DAPP1: variants seen among roughly 807,000 people sequenced by gnomAD.
DAPP1 encodes the protein dual adaptor of phosphotyrosine and 3-phosphoinositides 1.
In DAPP1, 20 loss-of-function variants were observed where a neutral mutation model predicts 41.5. That is an observed-to-expected ratio of 0.48 (90% CI 0.34 to 0.70). DAPP1 has a LOEUF of 0.70. Among genes scored for constraint, DAPP1 ranks in the 30% least tolerant of loss-of-function variants. The pLI, the probability that DAPP1 is intolerant of heterozygous loss-of-function variation, is 0.01. For missense variants in DAPP1, 233 were observed against 333.4 expected (o/e 0.70, Z 2.35); for synonymous variants, 113 against 116.2 (o/e 0.97, Z 0.18).
At chr4:99,835,217 CG>C (rs766103740) in intron 1 of DAPP1, among the ~76,000 whole-genome samples, 41 of 151,996 alleles carry the variant, frequency 2.7e-4, no homozygotes, top group Admixed American at 1.8e-3. Flanking sequence ...CCATGTTGGC[CG>C]GGCCGGTCTC....
Position 99,861,630 on chromosome 4 carries a change from G to A in DAPP1, c.537+5G>A. ...AAACAGGGAGGCCTGGTCAAGGTAA[G>A]GAAGTGTGGTTTTGCTCATGCCAGC... On this transcript the variant is annotated splice_donor_5th_base_variant and intron_variant, in intron 5 of 8. Transcript: ENST00000512369. 6.4e-7 allele frequency: 1 copy of A among 1,570,788 alleles called. No homozygotes were observed. Among genetic ancestry groups the A allele is most frequent in the South Asian group, 1.2e-5 (1 of 85,422 alleles).
chr4:99,857,570 C>G (rs901677201), intron 4 of DAPP1, among the ~76,000 whole-genome samples: 1 of 151,560 alleles, frequency 6.6e-6, no homozygotes, highest in African/African-American at 2.4e-5. Context: ...TTTATAGTTC[C>G]TCTTCTTGGA....
chr4:99,824,493 GA>G, intron 1 of DAPP1, among the ~76,000 whole-genome samples: 1 of 152,310 alleles, frequency 6.6e-6, no homozygotes, highest in East Asian at 1.9e-4. Context: ...CCATGGAATA[GA>G]GAAGAGATAA....
intron 3 of DAPP1, among the ~76,000 whole-genome samples, chr4:99,852,418 G>C (rs1312651392): frequency 2.6e-5 from 4 of 152,176 alleles, no homozygotes; most frequent in Non-Finnish European, 2.9e-5. Flanking sequence ...TTGAGGGAAG[G>C]ATTTCAAGAA....
chr4:99,848,513 G>GCCA (rs1214494222), intron 3 of DAPP1, among the ~76,000 whole-genome samples: 1 of 152,144 alleles, frequency 6.6e-6, no homozygotes, highest in Non-Finnish European at 1.5e-5. Context: ...ACAGGCATGG[G>GCCA]CCACCGCGCC....
intron 1 of DAPP1, among the ~76,000 whole-genome samples, chr4:99,820,284 T>C (rs1186042745): frequency 6.6e-6 from 1 of 152,180 alleles, no homozygotes; most frequent in South Asian, 2.1e-4. Flanking sequence ...ACTGGAGATA[T>C]CACCTAAGTA....
intron 1 of DAPP1, among the ~76,000 whole-genome samples, 184 bp downstream of exon 1, chr4:99,817,198 A>G (rs1421022086): frequency 6.6e-6 from 1 of 152,144 alleles, no homozygotes; most frequent in Non-Finnish European, 1.5e-5. Flanking sequence ...GGCTAATTCC[A>G]TTGGAAAAGC....
At chr4:99,828,955 T>C (rs1401490663) in intron 1 of DAPP1, among the ~76,000 whole-genome samples, 2 of 152,186 alleles carry the variant, frequency 1.3e-5, no homozygotes, top group Non-Finnish European at 2.9e-5. Flanking sequence ...AGGAGTTTCT[T>C]GCTCTTTTTT....
At chr4:99,865,691 G>A (rs1483206040) in intron 7 of DAPP1, 1 of 151,568 alleles carries the variant, frequency 6.6e-6, no homozygotes, top group African/African-American at 2.4e-5. Context: ...AAAGGATCTA[G>A]GGGTGTCCTG....
chr4:99,834,939 A>ATC (rs1560692823), intron 1 of DAPP1, among the ~76,000 whole-genome samples: 2 of 152,094 alleles, frequency 1.3e-5, no homozygotes, highest in Non-Finnish European at 2.9e-5. Context: ...CTGTAGGCAA[A>ATC]TCTATCTCCT....
intron 7 of DAPP1, chr4:99,864,861 C>G (rs1724369014): frequency 6.6e-6 from 1 of 152,160 alleles, no homozygotes; most frequent in Non-Finnish European, 1.5e-5. Flanking sequence ...CAATGTTTCT[C>G]CAGAAACTCC....
intron 1 of DAPP1, among the ~76,000 whole-genome samples, chr4:99,817,727 A>C (rs1192807701): frequency 6.6e-6 from 1 of 152,206 alleles, no homozygotes; most frequent in African/African-American, 2.4e-5. Context: ...AGTATTACAC[A>C]AGAGAGGAAT....
intron 1 of DAPP1, among the ~76,000 whole-genome samples, chr4:99,822,104 A>C (rs1722792333): frequency 6.6e-6 from 1 of 152,164 alleles, no homozygotes; most frequent in Non-Finnish European, 1.5e-5. Flanking sequence ...GTATGTAACT[A>C]GTGTACAGTT....
downstream of DAPP1, among the ~76,000 whole-genome samples, chr4:99,872,238 G>A (rs901737133): frequency 1.3e-5 from 2 of 152,220 alleles, no homozygotes; most frequent in Admixed American, 6.5e-5. Context: ...CAGATGCATC[G>A]TTGGTATAGC....
At chr4:99,846,561 GTTA>G (rs1257648203) in intron 3 of DAPP1, among the ~76,000 whole-genome samples, 1 of 152,152 alleles carries the variant, frequency 6.6e-6, no homozygotes, top group Non-Finnish European at 1.5e-5. Flanking sequence ...TGCTTTTATG[GTTA>G]TTAATTCCAT....
chr4:99,851,434 C>T (rs1723855691), intron 3 of DAPP1, among the ~76,000 whole-genome samples: 1 of 151,994 alleles, frequency 6.6e-6, no homozygotes, highest in South Asian at 2.1e-4. Context: ...CATTTTACAG[C>T]AGCACCTTAT....
At chr4:99,865,944 A>AT (rs377338437) in intron 7 of DAPP1, 90 bp from the exon 8 acceptor site, 1 of 80,968 alleles carries the variant, frequency 1.2e-5, no homozygotes, top group Non-Finnish European at 2.3e-5. Context: ...AATATATTAT[A>AT]TTATATATTA....
chr4:99,834,449 G>T (rs574240695), intron 1 of DAPP1, among the ~76,000 whole-genome samples: 1 of 151,516 alleles, frequency 6.6e-6, no homozygotes, highest in East Asian at 1.9e-4. Context: ...ATATCATTTT[G>T]AATCTCCTTG....
At chr4:99,829,492 G>C (rs751701929) in intron 1 of DAPP1, among the ~76,000 whole-genome samples, 5 of 151,542 alleles carry the variant, frequency 3.3e-5, no homozygotes, top group Non-Finnish European at 7.4e-5. Flanking sequence ...AAAAAAAAAA[G>C]AAAGTTTTTT....
Sources: allele counts gnomAD v4.1 joint callset (sites outside exome capture counted in the v4.1 genomes callset), GRCh38; gene constraint gnomAD v4.1.1; transcripts MANE v1.5; gene names NCBI Gene and HGNC (gene_info 2026-07-23, HGNC 2026-07-21).